FAM135B: variants seen among roughly 807,000 people sequenced by gnomAD.
FAM135B encodes protein FAM135B.
In FAM135B, 43 loss-of-function variants were observed where a neutral mutation model predicts 127.7. The observed-to-expected ratio is 0.34, with a 90% CI of 0.26 to 0.43. FAM135B has a LOEUF of 0.43. FAM135B is among the 20% of genes least tolerant of loss of function. The probability of loss-of-function intolerance (pLI) is 1.00; values close to 1 mark genes in which losing one functional copy is unlikely to be tolerated. For synonymous variants in FAM135B, 670 were observed against 665.1 expected (o/e 1.01, Z -0.11); for missense variants, 1,558 against 1,725.6 (o/e 0.90, Z 1.72).
chr8:138,213,967 C>A (rs1276928791), intron 7 of FAM135B, among the ~76,000 whole-genome samples: 5 of 149,016 alleles, frequency 3.4e-5, no homozygotes, highest in African/African-American at 4.9e-5. Flanking sequence ...TTTGTGGGGG[C>A]CTTTCTAACC....
intron 2 of FAM135B, among the ~76,000 whole-genome samples, chr8:138,345,468 C>T (rs761601355): frequency 1.3e-5 from 2 of 152,154 alleles, no homozygotes; most frequent in Non-Finnish European, 2.9e-5. Context: ...TATGTAACTC[C>T]GGGTAATTCT....
Position 138,130,239 on chromosome 8 carries a change from T to C in FAM135B, c.*2354A>G, listed in dbSNP as rs1185938586. ...TGTATATATATTTATATATTCGATA[T>C]CTATATTTCAATAGAAAGAGACATA... On this transcript the variant is annotated 3_prime_UTR_variant, in exon 20 of 20. Transcript: ENST00000395297. 1 of 150,834 alleles carries C rather than the reference T, an allele frequency of 6.6e-6. No individual in the cohort carries two copies. Among genetic ancestry groups the C allele is most frequent in the Non-Finnish European group, 1.5e-5 (1 of 67,786 alleles). The allele number at this position is 150,834 out of a possible 1,614,324, so 9.3% of individuals were successfully genotyped here.
chr8:138,247,400 A>T (rs985247671), intron 6 of FAM135B, among the ~76,000 whole-genome samples: 1 of 152,192 alleles, frequency 6.6e-6, no homozygotes, highest in African/African-American at 2.4e-5. Context: ...TTCTTGTGAT[A>T]GTGAGTGAGT....
intron 2 of FAM135B, among the ~76,000 whole-genome samples, chr8:138,312,747 C>A (rs1221694089): frequency 6.6e-6 from 1 of 152,176 alleles, no homozygotes; most frequent in African/African-American, 2.4e-5. Flanking sequence ...CATCCCCACC[C>A]AACCTGCCAA....
intron 1 of FAM135B, among the ~76,000 whole-genome samples, chr8:138,391,103 C>T (rs1832545377): frequency 7.0e-6 from 1 of 142,472 alleles, no homozygotes; most frequent in African/African-American, 2.5e-5. Context: ...GGGGCTGCCT[C>T]CCACCACCCC....
chr8:138,233,845 TA>T (rs2130248432), intron 7 of FAM135B, among the ~76,000 whole-genome samples: 1 of 152,008 alleles, frequency 6.6e-6, no homozygotes, highest in Non-Finnish European at 1.5e-5. Flanking sequence ...AATAAATAAA[TA>T]AACTTGATTT....
intron 1 of FAM135B, among the ~76,000 whole-genome samples, chr8:138,392,561 G>C (rs962856092): frequency 1.3e-5 from 2 of 152,004 alleles, no homozygotes; most frequent in African/African-American, 4.8e-5. Context: ...AAGTCACAGA[G>C]TCTAGCTACT....
At chr8:138,273,917 C>A (rs1458654491) in intron 3 of FAM135B, among the ~76,000 whole-genome samples, 1 of 152,144 alleles carries the variant, frequency 6.6e-6, no homozygotes, top group Non-Finnish European at 1.5e-5. Context: ...CTCTCTACGC[C>A]ACCTACAAGC....
rs1817050645 is a variant in FAM135B, at chr8:138,140,587, C to T, written c.3790+611G>A. The stretch of plus-strand genomic sequence containing the variant: ...TCTGACTCTTGCTGATATATTTAAC[C>T]TCCCATAGATGTTAGTCAACCTTAT... On this transcript the variant is annotated intron_variant, in intron 17 of 19. Transcript: ENST00000395297. 2.0e-5 allele frequency among the ~76,000 whole-genome samples: 3 copies of T among 152,108 alleles called. No individual in the cohort carries two copies. In the South Asian group the frequency reaches 6.2e-4, roughly 32 times the overall value.
At chr8:138,323,376 T>C (rs1827582279) in intron 2 of FAM135B, among the ~76,000 whole-genome samples, 2 of 152,328 alleles carry the variant, frequency 1.3e-5, no homozygotes, top group South Asian at 2.1e-4. Flanking sequence ...AGAAACCTCA[T>C]GACCCCCTCT....
intron 1 of FAM135B, among the ~76,000 whole-genome samples, chr8:138,392,511 C>G (rs1320314817): frequency 6.6e-6 from 1 of 152,170 alleles, no homozygotes; most frequent in Admixed American, 6.5e-5. Flanking sequence ...ATACTGCAAT[C>G]AACCTGTCCA....
At chr8:138,390,354 A>G (rs1246075908) in intron 1 of FAM135B, among the ~76,000 whole-genome samples, 2 of 152,010 alleles carry the variant, frequency 1.3e-5, no homozygotes, top group African/African-American at 4.8e-5. Context: ...TTGGTTTTAT[A>G]AGGGGAAACC....
At chr8:138,285,272 G>A (rs535087960) in intron 3 of FAM135B, among the ~76,000 whole-genome samples, 35 of 150,662 alleles carry the variant, frequency 2.3e-4, no homozygotes, top group African/African-American at 8.1e-4. Flanking sequence ...TTAGCCTCCT[G>A]GGTAGCTGGA....
At chr8:138,226,263 C>A (rs920580339) in intron 7 of FAM135B, among the ~76,000 whole-genome samples, 1 of 150,720 alleles carries the variant, frequency 6.6e-6, no homozygotes, top group Non-Finnish European at 1.5e-5. Context: ...TATGGTAGGT[C>A]ATGGAGACAC....
intron 16 of FAM135B, among the ~76,000 whole-genome samples, chr8:138,142,285 C>CTTTTTTTTTTTTTTTTTTTTTTTTTTT (rs1166235927): frequency 1.0e-5 from 1 of 99,934 alleles, no homozygotes; most frequent in Admixed American, 1.1e-4. Flanking sequence ...CATTCTGCTT[C>CTTTTTTTTTTTTTTTTTTTTTTTTTTT]TTCTTTTTTT....
intron 18 of FAM135B, among the ~76,000 whole-genome samples, chr8:138,137,721 C>A (rs531390190): frequency 6.6e-6 from 1 of 152,198 alleles, no homozygotes; most frequent in African/African-American, 2.4e-5. Flanking sequence ...TTCACCACGT[C>A]CCATGCTTTA....
chr8:138,434,503 A>G (rs1436560723), intron 1 of FAM135B, among the ~76,000 whole-genome samples: 2 of 152,210 alleles, frequency 1.3e-5, no homozygotes, highest in Non-Finnish European at 2.9e-5. Context: ...ACAGCTAGTA[A>G]GCATCACAAG....
At chr8:138,214,967 C>T (rs1242573432) in intron 7 of FAM135B, among the ~76,000 whole-genome samples, 2 of 151,676 alleles carry the variant, frequency 1.3e-5, no homozygotes, top group African/African-American at 2.4e-5. Context: ...GGGGAAGAGG[C>T]AAAAAAAGCA....
At chr8:138,309,320 T>G (rs1826491009) in intron 3 of FAM135B, among the ~76,000 whole-genome samples, 1 of 152,192 alleles carries the variant, frequency 6.6e-6, no homozygotes, top group African/African-American at 2.4e-5. Flanking sequence ...GGATCTACAC[T>G]GGACCTAGAA....
Sources: allele counts gnomAD v4.1 joint callset (sites outside exome capture counted in the v4.1 genomes callset), GRCh38; gene constraint gnomAD v4.1.1; transcripts MANE v1.5; gene names NCBI Gene and HGNC (gene_info 2026-07-23, HGNC 2026-07-21).